Variants in GSE1 observed in about 807,000 individuals in gnomAD.
GSE1 encodes the protein genetic suppressor element 1.
Under a neutral mutation model 112.6 loss-of-function variants are expected in GSE1, and 32 were observed. The ratio of observed to expected loss-of-function variants is 0.28; its 90% CI spans 0.21 to 0.38. The LOEUF (loss-of-function observed/expected upper bound fraction) is 0.38. GSE1 is among the 10% of genes least tolerant of loss of function. The probability of loss-of-function intolerance (pLI) is 1.00; values close to 1 mark genes in which losing one functional copy is unlikely to be tolerated. For synonymous variants in GSE1, 1,115 were observed against 735.6 expected (o/e 1.52, Z -8.35); for missense variants, 2,348 against 1,699.2 (o/e 1.38, Z -6.71).
intron 1 of GSE1, among the ~76,000 whole-genome samples, chr16:85,303,720 C>A (rs1167999616): frequency 6.6e-6 from 1 of 152,224 alleles, no homozygotes; most frequent in Non-Finnish European, 1.5e-5. Context: ...AGGCACCGGC[C>A]GCCGCCTCCC....
In GSE1 at chr16:85,419,324, A is replaced by G. The variant is rs1220232852; in HGVS notation, c.2464+61681A>G. On this transcript the variant is annotated intron_variant, in intron 2 of 2. Coordinates refer to the GSE1 transcript ENST00000637419. This position sits in a 1 kb window ranked among gnomAD's most constrained non-coding sequence, Gnocchi z 6.5. ...AGTCGGGGTCAGGGTTTGAGAATATACCAGATGGCCGGGCGTGGTGGCTCG... is the reference window on the plus strand; with the variant it reads ...AGTCGGGGTCAGGGTTTGAGAATATGCCAGATGGCCGGGCGTGGTGGCTCG... Among the ~76,000 whole-genome samples, 1 of 152,142 alleles carries G rather than the reference A, an allele frequency of 6.6e-6. No individual in the cohort carries two copies. Among genetic ancestry groups the G allele is most frequent in the Non-Finnish European group, 1.5e-5 (1 of 68,032 alleles).
At chr16:85,199,688 C>G (rs1285703960) in intron 1 of GSE1, among the ~76,000 whole-genome samples, 1 of 152,020 alleles carries the variant, frequency 6.6e-6, no homozygotes, top group Non-Finnish European at 1.5e-5. Context: ...TCTCTGAAGT[C>G]TAAGTTTGGG....
chr16:85,643,843 G>C (rs572147766), intron 2 of GSE1, among the ~76,000 whole-genome samples: 1 of 152,068 alleles, frequency 6.6e-6, no homozygotes, highest in Non-Finnish European at 1.5e-5. Context: ...TTTTCCCCTG[G>C]GCAGCAGGAG....
chr16:85,238,395 C>T (rs927141531), intron 1 of GSE1, among the ~76,000 whole-genome samples: 27 of 152,346 alleles, frequency 1.8e-4, no homozygotes, highest in African/African-American at 3.6e-4. Flanking sequence ...CTCTGCCCCC[C>T]GCACCCCTGC....
chr16:85,360,508 G>A (rs1276295730), intron 2 of GSE1, among the ~76,000 whole-genome samples: 4 of 152,204 alleles, frequency 2.6e-5, no homozygotes, highest in African/African-American at 9.7e-5. Flanking sequence ...CGCCTGGGCA[G>A]CCACTGCTGC....
At chr16:85,282,559 G>A (rs976967704) in intron 1 of GSE1, among the ~76,000 whole-genome samples, 1 of 152,332 alleles carries the variant, frequency 6.6e-6, no homozygotes, top group East Asian at 1.9e-4. Context: ...TCGGGGAAAC[G>A]TTCAGGCATC....
At chr16:85,505,133 C>T (rs991003600) in intron 2 of GSE1, among the ~76,000 whole-genome samples, 5 of 152,180 alleles carry the variant, frequency 3.3e-5, no homozygotes, top group South Asian at 2.1e-4. Flanking sequence ...CTGGCCCTGT[C>T]GTGTGCCTAG....
At chr16:85,269,915 G>C (rs375920603) in intron 1 of GSE1, among the ~76,000 whole-genome samples, 1 of 149,626 alleles carries the variant, frequency 6.7e-6, no homozygotes, top group African/African-American at 2.4e-5. Context: ...GCTGCGTTCT[G>C]TGGACGCTTT....
chr16:85,428,557 C>A (rs2049045096), intron 2 of GSE1, among the ~76,000 whole-genome samples: 1 of 152,234 alleles, frequency 6.6e-6, no homozygotes, highest in Admixed American at 6.5e-5. Context: ...TATTCCCCTG[C>A]CTCACTAAGA....
At chr16:85,664,532 G>C (rs1226759751) in intron 11 of GSE1, 1 of 152,762 alleles carries the variant, frequency 6.5e-6, no homozygotes, top group Non-Finnish European at 1.5e-5. Flanking sequence ...GAGTTTCACA[G>C]TCAAGAAGGG....
chr16:85,353,456 A>ATCAAAAG (rs1555568399), intron 1 of GSE1, among the ~76,000 whole-genome samples: 1 of 151,612 alleles, frequency 6.6e-6, no homozygotes. Flanking sequence ...GCATCATTTT[A>ATCAAAAG]CGTTCCCATC....
At chr16:85,236,370 C>T (rs754889744) in intron 1 of GSE1, among the ~76,000 whole-genome samples, 15 of 152,204 alleles carry the variant, frequency 9.9e-5, no homozygotes, top group Non-Finnish European at 2.1e-4. Context: ...ATTTTCACAT[C>T]CCCCAAGTTG....
At chr16:85,187,634 G>C (rs549588246) in intron 1 of GSE1, among the ~76,000 whole-genome samples, 1 of 152,182 alleles carries the variant, frequency 6.6e-6, no homozygotes, top group African/African-American at 2.4e-5. Context: ...GGCGTGGTTT[G>C]GCTAAGGGTG....
Position 85,633,974 on chromosome 16 carries a change from C to T in GSE1, c.68C>T (p.Thr23Ile). Reference sequence around the variant, plus strand: ...ATGCTTTCCACCGCGACCAGGACCACCGCCACCGTCAACCCCCTCACCCCC... The same window carrying T: ...ATGCTTTCCACCGCGACCAGGACCATCGCCACCGTCAACCCCCTCACCCCC... Reference protein sequence around the residue: ...LGMLSTATRTTATVNPLTPSP... With the variant: ...LGMLSTATRTIATVNPLTPSP... Residue 23 changes from threonine to isoleucine, a missense_variant, in exon 2 of 16, where the codon ACC (threonine) becomes ATC (isoleucine). By Grantham distance (89) the Thr-to-Ile change is moderately conservative. Coordinates refer to ENST00000253458, the MANE Select transcript of GSE1 (RefSeq NM_014615.5). 6.2e-7 allele frequency: 1 copy of T among 1,613,184 alleles called. No homozygotes were observed. Among genetic ancestry groups the T allele is most frequent in the Non-Finnish European group, 8.5e-7 (1 of 1,179,748 alleles).
chr16:85,572,118 GCA>G (rs369085604), intron 1 of GSE1, among the ~76,000 whole-genome samples: 21 of 100,246 alleles, frequency 2.1e-4, no homozygotes, highest in South Asian at 1.0e-3. Flanking sequence ...CACACACAAC[GCA>G]CACACACACA....
intron 1 of GSE1, among the ~76,000 whole-genome samples, chr16:85,560,271 G>T (rs752156563): frequency 2.0e-5 from 3 of 152,004 alleles, no homozygotes; most frequent in Non-Finnish European, 4.4e-5. Context: ...AAGTAGCTGG[G>T]ACTACGGGAG....
At position 85,316,411 on chromosome 16, in the gene GSE1, C is replaced by T. The variant is rs190144145; in HGVS notation, c.2284-41052C>T. On this transcript the variant is annotated intron_variant, in intron 1 of 2. Transcript: ENST00000637419. ...GGGCACGTTTCGAGGGCTCCCTAGC[C>T]ACGTGTGGCCCAGGTGGCCGTAAGG... Among the ~76,000 whole-genome samples the T allele has an allele frequency of 1.8e-4, 28 of 152,322 alleles. No individual in the cohort carries two copies. In the East Asian group the frequency reaches 5.2e-3, roughly 28 times the overall value.
chr16:85,236,860 TC>T (rs1444349069), intron 1 of GSE1, among the ~76,000 whole-genome samples: 1 of 151,814 alleles, frequency 6.6e-6, no homozygotes, highest in Non-Finnish European at 1.5e-5. Context: ...TCTGCCTGGC[TC>T]CCCCCGACCA....
At chr16:85,246,275 C>A (rs865931610) in intron 1 of GSE1, among the ~76,000 whole-genome samples, 12 of 113,636 alleles carry the variant, frequency 1.1e-4, no homozygotes, top group Non-Finnish European at 1.5e-4. Flanking sequence ...ACACACACAC[C>A]CCACACGCTG....
Sources: gnomAD v4.1 joint callset for allele counts (sites outside exome capture counted in the v4.1 genomes callset) on GRCh38, gnomAD v4.1.1 for gene constraint, Gnocchi (gnomAD v3.1) non-coding constraint, MANE v1.5 for transcripts, NCBI Gene and HGNC (gene_info 2026-07-23, HGNC 2026-07-21) for gene names.